ELOVL6: variants seen among roughly 807,000 people sequenced by gnomAD.
The protein encoded by ELOVL6 is ELOVL fatty acid elongase 6.
A neutral mutation model predicts 31.7 loss-of-function variants in ELOVL6; 8 were observed. The observed-to-expected ratio is 0.25, with a 90% CI of 0.15 to 0.45. ELOVL6 has a LOEUF of 0.45. ELOVL6 is among the 20% of genes least tolerant of loss of function. The pLI is 1.00. For synonymous variants in ELOVL6, 101 were observed against 117.7 expected, an observed-to-expected ratio of 0.86 and a Z score of 0.92; for missense variants, 126 against 326.4, an observed-to-expected ratio of 0.39 and a Z score of 4.73.
chr4:110,179,985 T>G (rs1219913768), intron 1 of ELOVL6, among the ~76,000 whole-genome samples: 1 of 152,246 alleles, frequency 6.6e-6, no homozygotes, highest in Non-Finnish European at 1.5e-5. Flanking sequence ...AAAAGGAGTC[T>G]CTGGACACTG....
At chr4:110,181,555 G>T (rs1050165009) in intron 1 of ELOVL6, among the ~76,000 whole-genome samples, 4 of 152,148 alleles carry the variant, frequency 2.6e-5, no homozygotes, top group East Asian at 3.8e-4. Context: ...GGAAAGCCAG[G>T]TCTTCATAGA....
chr4:110,153,375 TA>T (rs1207996049), intron 1 of ELOVL6, among the ~76,000 whole-genome samples: 11 of 152,350 alleles, frequency 7.2e-5, no homozygotes, highest in African/African-American at 2.6e-4. Flanking sequence ...ACTACCTACT[TA>T]TCTCTTTTGA....
Position 110,117,903 on chromosome 4 carries a change from A to AAAAAAAAAAAAAAAAAAATT in ELOVL6, c.90-12276_90-12275insAATTTTTTTTTTTTTTTTTT. On this transcript the variant is annotated intron_variant, in intron 1 of 3. Transcript: ENST00000302274. ...TCTCAAAAAAAAAAAAAAAAAAAAA[A>AAAAAAAAAAAAAAAAAAATT]ATATATATATATATATATATATCTC... The AAAAAAAAAAAAAAAAAAATT allele has an allele frequency of 2.2e-3, 14 of 6,504 alleles. 4 individuals carry two copies. The highest frequency in any genetic ancestry group is 4.6e-3 in the African/African-American group (14 of 3,064). The allele number at this position is 6,504 out of a possible 1,614,324, so 0.4% of individuals were successfully genotyped here.
chr4:110,146,374 A>G (rs1758110295), intron 1 of ELOVL6: 1 of 152,100 alleles, frequency 6.6e-6, no homozygotes, highest in African/African-American at 2.4e-5. Flanking sequence ...CTCTTCCTCT[A>G]TGCAGCCTGA....
intron 1 of ELOVL6, chr4:110,117,903 A>AAAAAAAAAAAAAAATAT: frequency 3.1e-4 from 2 of 6,504 alleles, no homozygotes; most frequent in African/African-American, 6.5e-4. Flanking sequence ...AAAAAAAAAA[A>AAAAAAAAAAAAAAATAT]ATATATATAT....
chr4:110,145,605 C>A (rs919414312), intron 1 of ELOVL6, among the ~76,000 whole-genome samples: 5 of 152,214 alleles, frequency 3.3e-5, no homozygotes, highest in Admixed American at 1.3e-4. Flanking sequence ...ACCTGGACCA[C>A]TTTTCAGCTC....
intron 2 of ELOVL6, among the ~76,000 whole-genome samples, chr4:110,075,314 A>C (rs964302445): frequency 2.6e-5 from 4 of 152,238 alleles, no homozygotes; most frequent in Admixed American, 6.5e-5. Flanking sequence ...TTCCTTGTAC[A>C]CACATGCTCA....
At chr4:110,172,352 C>A (rs1758973863) in intron 1 of ELOVL6, among the ~76,000 whole-genome samples, 2 of 152,156 alleles carry the variant, frequency 1.3e-5, no homozygotes, top group African/African-American at 4.8e-5. Flanking sequence ...CAGAAGCACA[C>A]TTAAAAGAAA....
At position 110,073,587 on chromosome 4, in the gene ELOVL6, C is replaced by G. The variant is rs532240393; in HGVS notation, c.222-13833G>C. 7.2e-5 allele frequency among the ~76,000 whole-genome samples: 11 copies of G among 152,302 alleles called. No individual in the cohort carries two copies. In the South Asian group the frequency reaches 2.3e-3, roughly 32 times the overall value. ...CCAGACTACTGAATTTTCCTAATGG[C>G]CTCATAGCTGAACTCCCCAGGAAGT... On this transcript the variant is annotated intron_variant, in intron 2 of 3. Coordinates refer to ENST00000302274, the MANE Select transcript of ELOVL6 (RefSeq NM_024090.3).
At chr4:110,192,273 T>C (rs1200223653) in intron 1 of ELOVL6, among the ~76,000 whole-genome samples, 2 of 152,002 alleles carry the variant, frequency 1.3e-5, no homozygotes, top group Non-Finnish European at 2.9e-5. Flanking sequence ...AACTCTTAGA[T>C]ATGGAATAAG....
intron 1 of ELOVL6, among the ~76,000 whole-genome samples, chr4:110,139,310 T>C (rs1251781826): frequency 2.6e-5 from 4 of 152,194 alleles, no homozygotes; most frequent in Admixed American, 6.5e-5. Flanking sequence ...TTGGATACAT[T>C]TCCATCCCCT....
intron 2 of ELOVL6, among the ~76,000 whole-genome samples, chr4:110,083,657 T>C (rs1755955407): frequency 6.6e-6 from 1 of 151,472 alleles, no homozygotes; most frequent in South Asian, 2.1e-4. Context: ...TGCTGTGTGG[T>C]GAAAGGACTG....
At chr4:110,084,199 T>TGTGATATAC (rs1560814496) in intron 2 of ELOVL6, among the ~76,000 whole-genome samples, 5 of 85,852 alleles carry the variant, frequency 5.8e-5, no homozygotes, top group African/African-American at 1.9e-4. Context: ...ATAACTTATA[T>TGTGATATAC]GATATATATA....
intron 1 of ELOVL6, among the ~76,000 whole-genome samples, chr4:110,123,499 A>C (rs1420025811): frequency 6.6e-6 from 1 of 152,216 alleles, no homozygotes; most frequent in Admixed American, 6.5e-5. Context: ...AATAAATAAG[A>C]AAATAAGTAA....
rs192804970 is a variant in ELOVL6 at position 110,143,936 on chromosome 4, C to T, written c.90-38308G>A. ...CAGGCATAGTGGCAATGTCTGTAAT[C>T]CCAGCTACTCGGGAGGCTGAGGCAG... On this transcript the variant is annotated intron_variant, in intron 1 of 3. Coordinates refer to ENST00000302274, the MANE Select transcript of ELOVL6 (RefSeq NM_024090.3). Among the ~76,000 whole-genome samples, 389 of 151,818 alleles carry T rather than the reference C, an allele frequency of 2.6e-3. 1 individual carries two copies. Among genetic ancestry groups the T allele is most frequent in the Middle Eastern group, 6.8e-3 (2 of 294 alleles).
intron 2 of ELOVL6, among the ~76,000 whole-genome samples, chr4:110,073,537 G>T (rs1755549218): frequency 6.6e-6 from 1 of 152,188 alleles, no homozygotes; most frequent in African/African-American, 2.4e-5. Context: ...CAAAAAGTCT[G>T]TGGTATTTCT....
chr4:110,150,466 T>C (rs539338717), intron 1 of ELOVL6, among the ~76,000 whole-genome samples: 1 of 152,306 alleles, frequency 6.6e-6, no homozygotes, highest in East Asian at 1.9e-4. Flanking sequence ...ACTACAATTT[T>C]TTCTGGCAAA....
At chr4:110,149,307 A>G (rs1758217976) in intron 1 of ELOVL6, among the ~76,000 whole-genome samples, 1 of 152,252 alleles carries the variant, frequency 6.6e-6, no homozygotes, top group Admixed American at 6.5e-5. Context: ...TGAAATCATT[A>G]TATCAAAAAG....
At chr4:110,126,777 A>C (rs1757509800) in intron 1 of ELOVL6, among the ~76,000 whole-genome samples, 1 of 152,184 alleles carries the variant, frequency 6.6e-6, no homozygotes, top group African/African-American at 2.4e-5. Context: ...AAAGTCTTAG[A>C]AGATTTTTAA....
Sources: gnomAD v4.1 joint callset for allele counts (sites outside exome capture counted in the v4.1 genomes callset) on GRCh38, gnomAD v4.1.1 for gene constraint, MANE v1.5 for transcripts, NCBI Gene and HGNC (gene_info 2026-07-23, HGNC 2026-07-21) for gene names.